The following CCDC88C variants were observed in gnomAD, a reference collection of about 807,000 sequenced individuals.
CCDC88C encodes the protein coiled-coil and HOOK domain protein 88C.
Under a neutral mutation model 198.8 loss-of-function variants are expected in CCDC88C, and 131 were observed. The observed-to-expected ratio is 0.66, with a 90% CI of 0.57 to 0.76. The LOEUF (loss-of-function observed/expected upper bound fraction) is 0.76, where lower values mean the gene tolerates loss of function less well. Among genes scored for constraint, CCDC88C ranks in the 30% least tolerant of loss-of-function variants. The probability of loss-of-function intolerance (pLI) is 0.00; values close to 1 mark genes in which losing one functional copy is unlikely to be tolerated. For missense variants in CCDC88C, 2,553 were observed against 2,631.6 expected (o/e 0.97, Z 0.65); for synonymous variants, 1,166 against 1,114.7 (o/e 1.05, Z -0.92).
Position 91,365,271 on chromosome 14 carries a change from G to A in CCDC88C, c.271-5560C>T, listed in dbSNP as rs1797915345. On this transcript the variant is annotated intron_variant, in intron 3 of 29. Coordinates refer to ENST00000389857, the MANE Select transcript of CCDC88C (RefSeq NM_001080414.4). ...GAATGAGAGGCAGGACAGAATGAGTGGCAGGCAGGTGTCTGGAGCCCATGA... is the reference window on the plus strand; with the variant it reads ...GAATGAGAGGCAGGACAGAATGAGTAGCAGGCAGGTGTCTGGAGCCCATGA... 2.0e-5 allele frequency among the ~76,000 whole-genome samples: 3 copies of A among 152,170 alleles called. No homozygotes were observed. In the South Asian group the frequency reaches 6.2e-4, roughly 32 times the overall value.
At chr14:91,403,546 T>C (rs146993911) in intron 3 of CCDC88C, among the ~76,000 whole-genome samples, 5 of 152,342 alleles carry the variant, frequency 3.3e-5, no homozygotes, top group African/African-American at 1.2e-4. Flanking sequence ...TCAGCCTGAC[T>C]CCACTATCTG....
chr14:91,392,227 G>C (rs1408771753), intron 3 of CCDC88C, among the ~76,000 whole-genome samples: 1 of 152,068 alleles, frequency 6.6e-6, no homozygotes, highest in Non-Finnish European at 1.5e-5. Flanking sequence ...AACAGACCCA[G>C]AACTTAACAT....
chr14:91,374,802 T>G (rs909793145), intron 3 of CCDC88C, among the ~76,000 whole-genome samples: 4 of 152,304 alleles, frequency 2.6e-5, no homozygotes, highest in African/African-American at 7.2e-5. Flanking sequence ...AGGGGTAGTT[T>G]AAGCTTGGGT....
At chr14:91,281,384 TAAAGG>T (rs1890191072) in intron 27 of CCDC88C, 68 bp downstream of exon 27, 3 of 1,609,338 alleles carry the variant, frequency 1.9e-6, no homozygotes, top group East Asian at 2.2e-5. Context: ...GGACTCAGCT[TAAAGG>T]AAAGGTACCG....
chr14:91,325,957 C>G lies in CCDC88C; in HGVS notation c.1150G>C (p.Glu384Gln). The change falls in exon 11 of 30, where the codon GAA becomes CAA. Residue 384 changes from glutamate to glutamine, a missense_variant. Transcript: ENST00000389857. This position sits in a 1 kb window ranked among gnomAD's most constrained non-coding sequence, Gnocchi z 4.1. ...RARGDKVHEL[E>Q]KENLQLKSKL... ...GATTTCAGCTGCAGGTTCTCCTTTT[C>G]CAGCTCATGGACTTTATCGCCCCGG... is the stretch of plus-strand genomic sequence containing the variant. The G allele has an allele frequency of 1.3e-6, 2 of 1,564,714 alleles. No homozygotes were observed. Among genetic ancestry groups the G allele is most frequent in the Non-Finnish European group, 8.7e-7 (1 of 1,153,670 alleles).
rs764944022 is a variant in CCDC88C at position 91,300,029 on chromosome 14, C to T, written c.3677G>A (p.Arg1226Gln). The change falls in exon 21 of 30, where the codon CGG (arginine) becomes CAG (glutamine). Residue 1226 changes from arginine to glutamine, a missense_variant. Coordinates refer to ENST00000389857, the MANE Select transcript of CCDC88C (RefSeq NM_001080414.4). ...MLKRKAELEE[R>Q]EKVLTTEREA... is the part of the protein sequence containing the mutation. The stretch of plus-strand genomic sequence containing the variant: ...TCGCTCAGTGGTCAAGACCTTCTCC[C>T]GCTCCTCCAGCTCCGCCTTGCGCTT... The T allele has an allele frequency of 1.3e-5, 21 of 1,605,872 alleles. No individual in the cohort carries two copies. Among genetic ancestry groups the T allele is most frequent in the East Asian group, 2.2e-5 (1 of 44,582 alleles).
At chr14:91,293,567 G>GCCCACCTTCCTGCCCCCTCACCTGCCACA (rs1567055921) in intron 23 of CCDC88C, among the ~76,000 whole-genome samples, 1 of 16,136 alleles carries the variant, frequency 6.2e-5, no homozygotes, top group African/African-American at 3.5e-4. Context: ...CGCCTGCCAC[G>GCCCACCTTCCTGCCCCCTCACCTGCCACA]GCCCACCTTC....
chr14:91,294,357 C>G (rs767647083), intron 22 of CCDC88C, 39 bp from the exon 23 acceptor site: 1 of 1,606,988 alleles, frequency 6.2e-7, no homozygotes, highest in African/African-American at 1.3e-5. Flanking sequence ...CACCATGTGA[C>G]CCGGTGTTCC....
At chr14:91,372,620 G>A (rs1055234042) in intron 3 of CCDC88C, among the ~76,000 whole-genome samples, 33 of 149,704 alleles carry the variant, frequency 2.2e-4, no homozygotes, top group African/African-American at 7.5e-4. Context: ...CCCCCATCTT[G>A]TGTCTCTGGC....
chr14:91,381,358 G>A lies in CCDC88C; in HGVS notation c.271-21647C>T, dbSNP rs913073789. Among the ~76,000 whole-genome samples, 8 of 152,126 alleles carry A rather than the reference G, an allele frequency of 5.3e-5. No individual in the cohort carries two copies. The highest frequency in any genetic ancestry group is 1.7e-4 in the African/African-American group (7 of 41,412). ...TGTGACCAACCAGCCCGCAAACTTG[G>A]GGAGGAATTTTTTGGGTTTAGGATG... On this transcript the variant is annotated intron_variant, in intron 3 of 29. Coordinates refer to ENST00000389857, the MANE Select transcript of CCDC88C (RefSeq NM_001080414.4). This position sits in a 1 kb window ranked among gnomAD's most constrained non-coding sequence, Gnocchi z 4.2.
chr14:91,389,350 A>G (rs1885342857), intron 3 of CCDC88C, among the ~76,000 whole-genome samples: 1 of 152,204 alleles, frequency 6.6e-6, no homozygotes, highest in South Asian at 2.1e-4. Context: ...GGAAAAGTCA[A>G]CAACTGCTCT....
intron 4 of CCDC88C, 54 bp downstream of exon 4, chr14:91,359,588 A>G (rs1894207008): frequency 1.4e-6 from 2 of 1,442,128 alleles, no homozygotes; most frequent in Non-Finnish European, 1.9e-6. Context: ...CAGCTGCCCA[A>G]CGCCATGCCT....
rs531158950 is a variant in CCDC88C, at chr14:91,346,303, G to A, written c.341-2646C>T. ...CCCCGCCCCCCAGCCTGAAGGCAGGGCAGGGAGAGACTGGTGGGTTGGACC... is the reference window on the plus strand; with the variant it reads ...CCCCGCCCCCCAGCCTGAAGGCAGGACAGGGAGAGACTGGTGGGTTGGACC... On this transcript the variant is annotated intron_variant, in intron 4 of 29. Coordinates refer to ENST00000389857, the MANE Select transcript of CCDC88C (RefSeq NM_001080414.4). 3.4e-3 allele frequency among the ~76,000 whole-genome samples: 519 copies of A among 152,354 alleles called. 1 individual carries two copies. The highest frequency in any genetic ancestry group is 0.012 in the African/African-American group (492 of 41,580).
chr14:91,304,461 T>C (rs1019971044), intron 19 of CCDC88C, among the ~76,000 whole-genome samples: 1 of 152,198 alleles, frequency 6.6e-6, no homozygotes, highest in Non-Finnish European at 1.5e-5. Flanking sequence ...TGGTGTTGTA[T>C]GCCTATAGTC....
chr14:91,379,105 G>A (rs1157331612), intron 3 of CCDC88C: 1 of 152,258 alleles, frequency 6.6e-6, no homozygotes, highest in Non-Finnish European at 1.5e-5. Flanking sequence ...CAGCAGCTGA[G>A]GAAAAGCAGA....
At chr14:91,410,007 T>C (rs1018320584) in intron 2 of CCDC88C, among the ~76,000 whole-genome samples, 2 of 152,194 alleles carry the variant, frequency 1.3e-5, no homozygotes, top group African/African-American at 2.4e-5. Context: ...AATTAATTCA[T>C]GTGGGGAATC....
intron 23 of CCDC88C, among the ~76,000 whole-genome samples, chr14:91,293,117 T>TGCCC (rs1890743916): frequency 3.7e-5 from 5 of 134,552 alleles, no homozygotes; most frequent in Non-Finnish European, 6.4e-5. Flanking sequence ...CACCTTCCCG[T>TGCCC]CCTCACTTGC....
intron 13 of CCDC88C, among the ~76,000 whole-genome samples, chr14:91,317,489 C>G (rs556092215): frequency 1.3e-5 from 2 of 152,332 alleles, no homozygotes; most frequent in African/African-American, 4.8e-5. Flanking sequence ...GAAGGGTTCA[C>G]CTGTCAAATG....
chr14:91,325,902 T>C lies in CCDC88C; in HGVS notation c.1197+8A>G. 6.4e-7 allele frequency: 1 copy of C among 1,551,096 alleles called. No homozygotes were observed. ...TTTTCAATGTAGTAACAACACAGCC[T>C]GCAGTACCAATTCCAGGTCGTGAAG... On this transcript the variant is annotated splice_region_variant and intron_variant, in intron 11 of 29. Coordinates refer to ENST00000389857, the MANE Select transcript of CCDC88C (RefSeq NM_001080414.4). The surrounding 1 kb of genome is among the most constrained non-coding windows in gnomAD (Gnocchi z 4.1).
Sources: gnomAD v4.1 joint callset for allele counts (sites outside exome capture counted in the v4.1 genomes callset) on GRCh38, gnomAD v4.1.1 for gene constraint, Gnocchi (gnomAD v3.1) non-coding constraint, MANE v1.5 for transcripts, NCBI Gene and HGNC (gene_info 2026-07-23, HGNC 2026-07-21) for gene names.